AUTS2: variants seen among roughly 807,000 people sequenced by gnomAD.
AUTS2 encodes the protein autism susceptibility gene 2 protein.
A neutral mutation model predicts 112.4 loss-of-function variants in AUTS2; 17 were observed. That is an observed-to-expected ratio of 0.15 (90% CI 0.10 to 0.23). AUTS2 has a LOEUF of 0.23. Among genes scored for constraint, AUTS2 ranks in the 10% least tolerant of loss-of-function variants. The pLI is 1.00. For synonymous variants in AUTS2, 751 were observed against 702.7 expected (o/e 1.07, Z -1.09); for missense variants, 1,510 against 1,701.6 (o/e 0.89, Z 1.98).
intron 1 of AUTS2, among the ~76,000 whole-genome samples, chr7:69,730,321 T>C (rs1786736430): frequency 6.6e-6 from 1 of 152,192 alleles, no homozygotes; most frequent in Non-Finnish European, 1.5e-5. Context: ...TTTTTTATAT[T>C]TTCTTCTGTT....
intron 1 of AUTS2, among the ~76,000 whole-genome samples, chr7:69,714,590 A>G (rs1798511694): frequency 6.6e-6 from 1 of 152,032 alleles, no homozygotes; most frequent in Non-Finnish European, 1.5e-5. Context: ...CAAATACCCC[A>G]CAGTTTTGAT....
chr7:69,981,175 A>G (rs1220381639), intron 2 of AUTS2, among the ~76,000 whole-genome samples: 2 of 152,226 alleles, frequency 1.3e-5, no homozygotes, highest in Admixed American at 1.3e-4. Flanking sequence ...TAAAATTAGC[A>G]GAAACAGGTT....
intron 4 of AUTS2, among the ~76,000 whole-genome samples, chr7:70,317,808 C>T (rs141467161): frequency 1.4e-4 from 22 of 152,258 alleles, no homozygotes; most frequent in Admixed American, 7.8e-4. Flanking sequence ...CATTTGCGGA[C>T]GTGTCTCCGT....
At chr7:70,739,465 C>T (rs1344414782) in intron 6 of AUTS2, among the ~76,000 whole-genome samples, 1 of 149,154 alleles carries the variant, frequency 6.7e-6, no homozygotes, top group Non-Finnish European at 1.5e-5. Flanking sequence ...CAGGCATGAG[C>T]CACTGTGCCC....
intron 2 of AUTS2, among the ~76,000 whole-genome samples, chr7:70,112,293 A>G (rs12698851): frequency 0.26 from 38,731 of 151,846 alleles, 4,923 homozygotes; most frequent in Middle Eastern, 0.33. Flanking sequence ...AACATAAAAT[A>G]CTGTTATTAC....
intron 3 of AUTS2, among the ~76,000 whole-genome samples, chr7:70,125,221 G>A (rs1479453635): frequency 1.3e-5 from 2 of 150,766 alleles, no homozygotes; most frequent in East Asian, 3.9e-4. Context: ...TACTCATTTT[G>A]GGATACAATT....
intron 4 of AUTS2, among the ~76,000 whole-genome samples, chr7:70,250,055 T>C (rs1213937965): frequency 2.0e-5 from 3 of 151,900 alleles, no homozygotes; most frequent in African/African-American, 4.8e-5. Flanking sequence ...AAAGTATTAA[T>C]GATCCTAATA....
chr7:70,570,930 CCTCT>C (rs2129525309), intron 5 of AUTS2, among the ~76,000 whole-genome samples: 1 of 152,276 alleles, frequency 6.6e-6, no homozygotes, highest in Admixed American at 6.5e-5. Context: ...TTCTTCTCCA[CCTCT>C]CTAAGGCCCC....
At chr7:70,339,741 TG>T (rs1219828883) in intron 4 of AUTS2, among the ~76,000 whole-genome samples, 1 of 152,154 alleles carries the variant, frequency 6.6e-6, no homozygotes, top group Non-Finnish European at 1.5e-5. Flanking sequence ...TTGTTCAAGG[TG>T]GGGTAGAGAA....
chr7:70,070,286 A>G (rs961695717), intron 2 of AUTS2, among the ~76,000 whole-genome samples: 18 of 151,874 alleles, frequency 1.2e-4, no homozygotes, highest in Non-Finnish European at 2.6e-4. Flanking sequence ...AACAGAAAGT[A>G]TTTCAATGGA....
At chr7:70,707,649 T>A (rs1374948935) in intron 6 of AUTS2, among the ~76,000 whole-genome samples, 1 of 151,940 alleles carries the variant, frequency 6.6e-6, no homozygotes, top group African/African-American at 2.4e-5. Flanking sequence ...AAACATAAGG[T>A]CCCGGAGGTT....
intron 1 of AUTS2, among the ~76,000 whole-genome samples, chr7:69,696,014 C>A (rs4140975): frequency 0.028 from 4,288 of 152,212 alleles, 106 homozygotes; most frequent in East Asian, 0.13. Context: ...GTATTATGAT[C>A]AGTTTTAAAA....
At chr7:70,743,492 A>C (rs1483999037) in intron 6 of AUTS2, among the ~76,000 whole-genome samples, 1 of 151,222 alleles carries the variant, frequency 6.6e-6, no homozygotes, top group Non-Finnish European at 1.5e-5. Flanking sequence ...AAAAAAAAAA[A>C]ACTAGTATGA....
At chr7:70,069,533 C>T (rs1355797133) in intron 2 of AUTS2, among the ~76,000 whole-genome samples, 2 of 152,140 alleles carry the variant, frequency 1.3e-5, no homozygotes, top group African/African-American at 2.4e-5. Flanking sequence ...CATTAGCTTT[C>T]TTCATGTTGT....
chr7:70,447,333 A>G (rs762829062), intron 5 of AUTS2, among the ~76,000 whole-genome samples: 6 of 152,380 alleles, frequency 3.9e-5, no homozygotes, highest in East Asian at 1.9e-4. Flanking sequence ...TGTAACTTAC[A>G]TTATACAGCT....
intron 6 of AUTS2, among the ~76,000 whole-genome samples, chr7:70,720,298 G>A (rs142995943): frequency 5.3e-5 from 8 of 152,140 alleles, no homozygotes; most frequent in East Asian, 1.9e-4. Context: ...AGAGTTTAAG[G>A]AAGTGGTAAG....
intron 2 of AUTS2, among the ~76,000 whole-genome samples, chr7:69,967,688 G>A (rs1031381237): frequency 3.3e-5 from 5 of 152,268 alleles, no homozygotes; most frequent in Middle Eastern, 3.4e-3. Flanking sequence ...TTTCTCCAGC[G>A]CTATATTGTG....
intron 5 of AUTS2, among the ~76,000 whole-genome samples, chr7:70,547,203 T>C (rs923781444): frequency 6.6e-6 from 1 of 152,266 alleles, no homozygotes; most frequent in East Asian, 1.9e-4. Context: ...ATTTTCCATC[T>C]CTCTAGATGT....
At chr7:70,534,299 G>A (rs1429836669) in intron 5 of AUTS2, among the ~76,000 whole-genome samples, 2 of 152,150 alleles carry the variant, frequency 1.3e-5, no homozygotes, top group Non-Finnish European at 2.9e-5. Flanking sequence ...TGGGAGGGTT[G>A]GCACTTTGGG....
Sources: allele counts gnomAD v4.1 joint callset (sites outside exome capture counted in the v4.1 genomes callset), GRCh38; gene constraint gnomAD v4.1.1; transcripts MANE v1.5; gene names NCBI Gene and HGNC (gene_info 2026-07-23, HGNC 2026-07-21).